The following MAML3 variants were observed in gnomAD, a reference collection of about 807,000 sequenced individuals.
MAML3 encodes mastermind-like protein 3.
Under a neutral mutation model 101.9 loss-of-function variants are expected in MAML3, and 27 were observed. That is an observed-to-expected ratio of 0.27 (90% confidence interval 0.20 to 0.37). MAML3 has a LOEUF of 0.37. Among genes scored for constraint, MAML3 ranks in the 10% least tolerant of loss-of-function variants. The pLI is 1.00. For missense variants in MAML3, 1,316 were observed against 1,444.9 expected (o/e 0.91, Z 1.45); for synonymous variants, 501 against 555.9 (o/e 0.90, Z 1.39).
At chr4:139,758,697 C>T (rs773550511) in intron 2 of MAML3, among the ~76,000 whole-genome samples, 1 of 152,228 alleles carries the variant, frequency 6.6e-6, no homozygotes, top group African/African-American at 2.4e-5. Flanking sequence ...CCAGCAACAA[C>T]TGTCTCAGAA....
chr4:139,978,798 T>C (rs942467199), intron 1 of MAML3, among the ~76,000 whole-genome samples: 3 of 152,046 alleles, frequency 2.0e-5, no homozygotes, highest in Non-Finnish European at 4.4e-5. Context: ...CCCAGAGACC[T>C]TGCCAGTCAG....
At chr4:140,123,821 A>G (rs1311161346) in intron 1 of MAML3, among the ~76,000 whole-genome samples, 1 of 152,240 alleles carries the variant, frequency 6.6e-6, no homozygotes, top group Non-Finnish European at 1.5e-5. Flanking sequence ...GAGGTAAGAA[A>G]GAACTCATTC....
intron 2 of MAML3, among the ~76,000 whole-genome samples, chr4:139,775,728 C>T (rs778776807): frequency 2.6e-5 from 4 of 152,036 alleles, no homozygotes; most frequent in East Asian, 1.9e-4. Context: ...TCTATCTTTC[C>T]GGTATATCAC....
intron 1 of MAML3, among the ~76,000 whole-genome samples, chr4:140,120,676 T>C (rs1728593069): frequency 6.6e-6 from 1 of 152,198 alleles, no homozygotes; most frequent in Admixed American, 6.5e-5. Flanking sequence ...ATCGAATAGT[T>C]TCTCCTTAAT....
chr4:140,147,401 A>G (rs1729082790), intron 1 of MAML3, among the ~76,000 whole-genome samples: 1 of 152,212 alleles, frequency 6.6e-6, no homozygotes, highest in African/African-American at 2.4e-5. Flanking sequence ...TTGTTTCATT[A>G]GTTCTGAGAG....
At position 140,144,985 on chromosome 4, in the gene MAML3, A is replaced by G. The variant is rs531181586; in HGVS notation, c.468+7875T>C. 4.6e-5 allele frequency among the ~76,000 whole-genome samples: 7 copies of G among 152,366 alleles called. No homozygotes were observed. The East Asian group carries it at 1.4e-3, about 29-fold the overall frequency. On this transcript the variant is annotated intron_variant, in intron 1 of 4. Transcript: ENST00000509479. ...AACAAACAAAGAAAAATAACCAACC[A>G]GAGTGAGAATAAAGGGCACAAGCAG...
At chr4:140,080,576 G>A (rs1415444610) in intron 1 of MAML3, among the ~76,000 whole-genome samples, 4 of 152,122 alleles carry the variant, frequency 2.6e-5, no homozygotes, top group African/African-American at 9.7e-5. Context: ...GAAGAAACTG[G>A]TCTTTCACCA....
intron 1 of MAML3, among the ~76,000 whole-genome samples, chr4:140,146,542 C>G (rs1729068567): frequency 6.6e-6 from 1 of 152,058 alleles, no homozygotes; most frequent in African/African-American, 2.4e-5. Context: ...TTAATCAGTT[C>G]TTGGTGACAG....
At position 139,880,179 on chromosome 4, in the gene MAML3, GA is replaced by G. The variant is rs36094128; in HGVS notation, c.2079+9177del. ...CAGAGTGAGACTCCATCTCAAAATT[GA>G]AAAAAAAAAAACAAACAAAAAACCT... On this transcript the variant is annotated intron_variant, in intron 2 of 4. Coordinates refer to ENST00000509479, the MANE Select transcript of MAML3 (RefSeq NM_018717.5). Among the ~76,000 whole-genome samples, 193 of 139,188 alleles carry G rather than the reference GA, an allele frequency of 1.4e-3. 3 individuals carry two copies. Among genetic ancestry groups the G allele is most frequent in the Middle Eastern group, 0.012 (3 of 258 alleles). The allele number at this position is 139,188 out of a possible 152,430, so 91.3% of individuals were successfully genotyped here.
At chr4:140,074,195 GAAAGAGAA>G (rs1172243331) in intron 1 of MAML3, among the ~76,000 whole-genome samples, 4 of 122,752 alleles carry the variant, frequency 3.3e-5, no homozygotes, top group African/African-American at 9.1e-5. Context: ...GAGAGAGAAA[GAAAGAGAA>G]AGAAAGAAAG....
intron 1 of MAML3, among the ~76,000 whole-genome samples, chr4:140,065,912 T>C (rs538755828): frequency 3.3e-5 from 5 of 152,304 alleles, no homozygotes; most frequent in Non-Finnish European, 5.9e-5. Flanking sequence ...GGCTGCTCAA[T>C]AAATATCTGC....
chr4:140,084,258 C>G (rs896492568), intron 1 of MAML3, among the ~76,000 whole-genome samples: 4 of 152,190 alleles, frequency 2.6e-5, no homozygotes, highest in Non-Finnish European at 5.9e-5. Context: ...GGGATTTACC[C>G]TTTAGTGGCA....
At chr4:139,780,050 A>G (rs1436278267) in intron 2 of MAML3, among the ~76,000 whole-genome samples, 1 of 152,228 alleles carries the variant, frequency 6.6e-6, no homozygotes, top group Non-Finnish European at 1.5e-5. Flanking sequence ...TATGAAGACC[A>G]TGTAACCTAG....
intron 1 of MAML3, among the ~76,000 whole-genome samples, chr4:140,061,832 A>G (rs1268601865): frequency 6.6e-6 from 1 of 152,178 alleles, no homozygotes; most frequent in African/African-American, 2.4e-5. Context: ...TGTATATGCA[A>G]CTGCCACAGA....
chr4:139,815,854 AC>A (rs1372960115), intron 2 of MAML3, among the ~76,000 whole-genome samples: 3 of 152,184 alleles, frequency 2.0e-5, no homozygotes, highest in Non-Finnish European at 4.4e-5. Flanking sequence ...CAGGAGATAA[AC>A]ACCAGCTTGA....
intron 2 of MAML3, among the ~76,000 whole-genome samples, chr4:139,852,123 G>A (rs1731564521): frequency 6.6e-6 from 1 of 152,136 alleles, no homozygotes; most frequent in Admixed American, 6.6e-5. Context: ...TACAAACTTT[G>A]GAATTATTGA....
intron 1 of MAML3, among the ~76,000 whole-genome samples, chr4:139,911,780 G>A (rs987462577): frequency 1.3e-5 from 2 of 152,188 alleles, no homozygotes; most frequent in Non-Finnish European, 2.9e-5. Flanking sequence ...AGTTGTCTAT[G>A]ATCCAGGAAG....
At chr4:139,934,030 T>C (rs1733457060) in intron 1 of MAML3, among the ~76,000 whole-genome samples, 1 of 152,166 alleles carries the variant, frequency 6.6e-6, no homozygotes, top group Non-Finnish European at 1.5e-5. Flanking sequence ...TATGAATGTG[T>C]GTGGGACTGT....
At position 140,118,116 on chromosome 4, in the gene MAML3, T is replaced by A. The variant is rs186682165; in HGVS notation, c.468+34744A>T. Among the ~76,000 whole-genome samples, 699 of 151,764 alleles carry A rather than the reference T, an allele frequency of 4.6e-3. 6 individuals carry two copies. Among genetic ancestry groups the A allele is most frequent in the African/African-American group, 0.016 (666 of 41,454 alleles). ...GACAACCACCACAAAAAATGTTCTC[T>A]CTGATATCAGCTACAACCAACCCCC... On this transcript the variant is annotated intron_variant, in intron 1 of 4. Transcript: ENST00000509479.
Sources: gnomAD v4.1 joint callset for allele counts (sites outside exome capture counted in the v4.1 genomes callset) on GRCh38, gnomAD v4.1.1 for gene constraint, MANE v1.5 for transcripts, NCBI Gene and HGNC (gene_info 2026-07-23, HGNC 2026-07-21) for gene names.